RBM47: variants seen among roughly 807,000 people sequenced by gnomAD.
RBM47 encodes RNA-binding protein 47.
Under a neutral mutation model 47.1 loss-of-function variants are expected in RBM47, and 21 were observed. The observed-to-expected ratio is 0.45, with a 90% CI of 0.32 to 0.64. The LOEUF (loss-of-function observed/expected upper bound fraction) is 0.64. Among genes scored for constraint, RBM47 ranks in the 30% least tolerant of loss-of-function variants. The probability of loss-of-function intolerance (pLI) is 0.05; values close to 1 mark genes in which losing one functional copy is unlikely to be tolerated. For missense variants in RBM47, 708 were observed against 870.9 expected (o/e 0.81, Z 2.35); for synonymous variants, 375 against 361.7 (o/e 1.04, Z -0.42).
chr4:40,624,707 T>TAC (rs914231415), intron 1 of RBM47, among the ~76,000 whole-genome samples: 1 of 152,152 alleles, frequency 6.6e-6, no homozygotes, highest in Non-Finnish European at 1.5e-5. Flanking sequence ...CAGTTGTAGT[T>TAC]ACACAAAGGC....
chr4:40,535,619 G>C (rs533622355), intron 2 of RBM47, among the ~76,000 whole-genome samples: 4 of 151,180 alleles, frequency 2.6e-5, no homozygotes, highest in Non-Finnish European at 5.9e-5. Context: ...GGAGTGCAGT[G>C]GCGAGATCTC....
rs139292597 is a variant in RBM47 at position 40,509,160 on chromosome 4, AAAATAAAT to A, written c.-155+35254_-155+35261del. On this transcript the variant is annotated intron_variant, in intron 2 of 6. Coordinates refer to ENST00000295971, the MANE Select transcript of RBM47 (RefSeq NM_001098634.2). ...GGGCAACAGAGTGAGCCTCCATCTC[AAAATAAAT>A]AAATAAATAAATAAATAAATAATAA... is the stretch of plus-strand genomic sequence containing the variant. Among the ~76,000 whole-genome samples, 1,052 of 146,446 alleles carry A rather than the reference AAAATAAAT, an allele frequency of 7.2e-3. 5 individuals are homozygous for A. The highest frequency in any genetic ancestry group is 0.014 in the Middle Eastern group (4 of 286).
intron 1 of RBM47, among the ~76,000 whole-genome samples, chr4:40,571,921 G>A (rs1186769137): frequency 3.3e-5 from 5 of 151,700 alleles, no homozygotes; most frequent in Non-Finnish European, 7.4e-5. Context: ...TACTTAGGAA[G>A]CTGAGGCAGG....
At chr4:40,512,627 A>G (rs1725083937) in intron 2 of RBM47, among the ~76,000 whole-genome samples, 1 of 150,370 alleles carries the variant, frequency 6.7e-6, no homozygotes, top group Non-Finnish European at 1.5e-5. Flanking sequence ...AGGTGGGAGA[A>G]TCACTTGAAC....
intron 1 of RBM47, among the ~76,000 whole-genome samples, chr4:40,582,335 A>G (rs1281654252): frequency 6.6e-6 from 1 of 152,106 alleles, no homozygotes; most frequent in African/African-American, 2.4e-5. Flanking sequence ...GGAGTTCAAG[A>G]CCAGCCTGGT....
intron 1 of RBM47, among the ~76,000 whole-genome samples, chr4:40,549,246 C>T (rs1480980170): frequency 7.9e-5 from 12 of 151,934 alleles, no homozygotes; most frequent in Admixed American, 7.2e-4. Context: ...CACGCACCAC[C>T]GTGCCCAGCT....
rs187160291 is a variant in RBM47 at position 40,519,743 on chromosome 4, C to A, written c.-155+24679G>T. On this transcript the variant is annotated intron_variant, in intron 2 of 6. Transcript: ENST00000295971. ...GGAGTATAGTGGCTCAATCTTGGCT[C>A]ACTGCAACCTCCATCTCCCAGGTTC... Among the ~76,000 whole-genome samples the A allele has an allele frequency of 2.3e-4, 33 of 141,776 alleles. 1 individual carries two copies. Among genetic ancestry groups the A allele is most frequent in the Admixed American group, 6.3e-4 (8 of 12,770 alleles). 93.0% of individuals were successfully genotyped at this position (141,776 alleles called of 152,430 possible).
intron 2 of RBM47, among the ~76,000 whole-genome samples, chr4:40,503,366 G>A (rs939067217): frequency 1.1e-4 from 16 of 152,200 alleles, no homozygotes; most frequent in Admixed American, 9.2e-4. Flanking sequence ...ATTCATGAGA[G>A]GTGATTTGCA....
intron 1 of RBM47, among the ~76,000 whole-genome samples, chr4:40,587,594 T>C (rs971819921): frequency 6.6e-6 from 1 of 152,176 alleles, no homozygotes. Flanking sequence ...TTTCACCAAA[T>C]AACACATTGG....
intron 1 of RBM47, among the ~76,000 whole-genome samples, chr4:40,573,598 C>T (rs907581925): frequency 1.3e-5 from 2 of 151,734 alleles, no homozygotes; most frequent in Non-Finnish European, 2.9e-5. Context: ...CAAAAATTAG[C>T]TGGGCATGGT....
At chr4:40,554,555 T>C (rs1483922975) in intron 1 of RBM47, among the ~76,000 whole-genome samples, 1 of 152,128 alleles carries the variant, frequency 6.6e-6, no homozygotes, top group Non-Finnish European at 1.5e-5. Flanking sequence ...TATATATATA[T>C]GCTCTCATTG....
At chr4:40,446,466 G>C (rs1407673878) in intron 3 of RBM47, among the ~76,000 whole-genome samples, 1 of 152,118 alleles carries the variant, frequency 6.6e-6, no homozygotes, top group African/African-American at 2.4e-5. Context: ...GGCTGGGCGT[G>C]GTGACTCATA....
At chr4:40,622,790 G>A (rs1484763253) in intron 1 of RBM47, among the ~76,000 whole-genome samples, 3 of 152,236 alleles carry the variant, frequency 2.0e-5, no homozygotes, top group Non-Finnish European at 4.4e-5. Flanking sequence ...GCTGAGGCAG[G>A]AGAATCACTG....
intron 3 of RBM47, among the ~76,000 whole-genome samples, chr4:40,463,061 G>A (rs929216914): frequency 1.3e-5 from 2 of 152,174 alleles, no homozygotes; most frequent in Non-Finnish European, 2.9e-5. Context: ...ATAAGGAATT[G>A]ATATTCAGAA....
chr4:40,549,961 T>C (rs6846940), intron 1 of RBM47, among the ~76,000 whole-genome samples: 23,823 of 152,096 alleles, frequency 0.16, 4,006 homozygotes, highest in African/African-American at 0.42. Context: ...TGAGCCACCG[T>C]GCGCAGTAAT....
At chr4:40,486,453 T>G (rs1363898354) in intron 2 of RBM47, among the ~76,000 whole-genome samples, 1 of 152,206 alleles carries the variant, frequency 6.6e-6, no homozygotes, top group East Asian at 1.9e-4. Flanking sequence ...AAACTTTGTC[T>G]GATTAAAATA....
chr4:40,470,309 T>G (rs1405543864), intron 2 of RBM47, among the ~76,000 whole-genome samples: 1 of 152,092 alleles, frequency 6.6e-6, no homozygotes, highest in East Asian at 1.9e-4. Context: ...GAAAAGTTTA[T>G]AGATTCCAGT....
intron 3 of RBM47, among the ~76,000 whole-genome samples, chr4:40,451,783 C>G (rs763830290): frequency 5.3e-5 from 8 of 152,172 alleles, no homozygotes; most frequent in South Asian, 4.1e-4. Flanking sequence ...TAATTGAGCA[C>G]TGGCTGCGTA....
intron 2 of RBM47, among the ~76,000 whole-genome samples, chr4:40,473,922 T>G (rs1164200523): frequency 6.6e-6 from 1 of 152,236 alleles, no homozygotes; most frequent in Non-Finnish European, 1.5e-5. Flanking sequence ...CACAAATTAC[T>G]GAATCTTTAC....
Sources: allele counts gnomAD v4.1 joint callset (sites outside exome capture counted in the v4.1 genomes callset), GRCh38; gene constraint gnomAD v4.1.1; transcripts MANE v1.5; gene names NCBI Gene and HGNC (gene_info 2026-07-23, HGNC 2026-07-21).